The following STUM variants were observed in gnomAD, a reference collection of about 807,000 sequenced individuals.
STUM encodes protein stum homolog.
STUM carries 8 observed loss-of-function variants against 15.3 expected under a neutral mutation model. The ratio of observed to expected loss-of-function variants is 0.52; its 90% CI spans 0.31 to 0.94. The LOEUF (loss-of-function observed/expected upper bound fraction) is 0.94, where lower values mean the gene tolerates loss of function less well. STUM is among the 40% of genes least tolerant of loss of function. The pLI is 0.05. For synonymous variants in STUM, 78 were observed against 88.7 expected, an observed-to-expected ratio of 0.88 and a Z score of 0.68; for missense variants, 142 against 204.9, an observed-to-expected ratio of 0.69 and a Z score of 1.87.
intron 1 of STUM, among the ~76,000 whole-genome samples, chr1:226,590,866 C>T (rs1427978305): frequency 2.0e-5 from 3 of 152,242 alleles, no homozygotes; most frequent in Non-Finnish European, 2.9e-5. Flanking sequence ...ATCGCCTGCT[C>T]TCCTGTGAAG....
At chr1:226,566,400 G>A (rs756740320) in intron 1 of STUM, among the ~76,000 whole-genome samples, 12 of 152,116 alleles carry the variant, frequency 7.9e-5, no homozygotes, top group Admixed American at 1.3e-4. Context: ...TGAGAAGCAG[G>A]TTTTATAATA....
intron 1 of STUM, among the ~76,000 whole-genome samples, chr1:226,594,799 C>T (rs1032124191): frequency 2.6e-5 from 4 of 152,120 alleles, no homozygotes; most frequent in Non-Finnish European, 4.4e-5. Flanking sequence ...GGATTACAGG[C>T]GCCCGCCACC....
At chr1:226,597,023 G>T (rs1204528497) in intron 2 of STUM, 42 bp downstream of exon 2, 1 of 1,590,672 alleles carries the variant, frequency 6.3e-7, no homozygotes. Flanking sequence ...GGTGGGGAGT[G>T]GCCAGGGACA....
At chr1:226,560,172 G>A (rs1667517933) in intron 1 of STUM, among the ~76,000 whole-genome samples, 1 of 152,166 alleles carries the variant, frequency 6.6e-6, no homozygotes, top group Admixed American at 6.5e-5. Flanking sequence ...AACACACAAA[G>A]TATATGATTC....
At chr1:226,562,109 T>C (rs1047978478) in intron 1 of STUM, among the ~76,000 whole-genome samples, 4 of 152,104 alleles carry the variant, frequency 2.6e-5, no homozygotes, top group Non-Finnish European at 5.9e-5. Context: ...GTGGTGATGG[T>C]TCCACAAAGC....
intron 3 of STUM, among the ~76,000 whole-genome samples, chr1:226,601,403 AAAAC>A (rs1353548238): frequency 6.6e-6 from 1 of 152,194 alleles, no homozygotes; most frequent in African/African-American, 2.4e-5. Flanking sequence ...TCTTCTTAAG[AAAAC>A]AAACACAATA....
intron 1 of STUM, among the ~76,000 whole-genome samples, chr1:226,560,010 G>A (rs1667515202): frequency 6.6e-6 from 1 of 151,976 alleles, no homozygotes; most frequent in Admixed American, 6.5e-5. Flanking sequence ...ATGATGGCGG[G>A]CGCCTGTAAT....
intron 1 of STUM, among the ~76,000 whole-genome samples, chr1:226,574,791 C>T (rs1667779275): frequency 6.6e-6 from 1 of 152,116 alleles, no homozygotes; most frequent in South Asian, 2.1e-4. Context: ...GTTGCCAACT[C>T]TCAGAGTGGA....
chr1:226,595,742 TA>T (rs969013192), intron 1 of STUM, among the ~76,000 whole-genome samples: 2 of 152,166 alleles, frequency 1.3e-5, no homozygotes, highest in African/African-American at 4.8e-5. Context: ...GAGAAGGTGC[TA>T]CGCTGCTGGC....
chr1:226,564,232 C>G (rs1462859529), intron 1 of STUM, among the ~76,000 whole-genome samples: 1 of 152,180 alleles, frequency 6.6e-6, no homozygotes, highest in Non-Finnish European at 1.5e-5. Flanking sequence ...CCAGGATGTT[C>G]TAGATCTCTC....
intron 1 of STUM, among the ~76,000 whole-genome samples, chr1:226,562,553 C>T (rs1405556080): frequency 6.6e-6 from 1 of 151,962 alleles, no homozygotes; most frequent in Non-Finnish European, 1.5e-5. Context: ...GGACCGACAT[C>T]ATGTACCTCC....
At chr1:226,562,484 A>G (rs1203802754) in intron 1 of STUM, among the ~76,000 whole-genome samples, 1 of 152,098 alleles carries the variant, frequency 6.6e-6, no homozygotes, top group Non-Finnish European at 1.5e-5. Context: ...GAAAAAAAAA[A>G]AAAAAGAAAA....
chr1:226,565,554 G>C lies in STUM; in HGVS notation c.202+16448G>C, dbSNP rs962901552. On this transcript the variant is annotated intron_variant, in intron 1 of 3. Transcript: ENST00000366788. This position sits in a 1 kb window ranked among gnomAD's most constrained non-coding sequence, Gnocchi z 4.4. Reference sequence around the variant, plus strand: ...GAAGCTCTGAAACAGCCAGTACATGGAGCCAGGGCTTCCTGCCGTCTGAAA... The same window carrying C: ...GAAGCTCTGAAACAGCCAGTACATGCAGCCAGGGCTTCCTGCCGTCTGAAA... 2.0e-5 allele frequency among the ~76,000 whole-genome samples: 3 copies of C among 152,200 alleles called. No homozygotes were observed. Among genetic ancestry groups the C allele is most frequent in the Non-Finnish European group, 4.4e-5 (3 of 68,022 alleles).
chr1:226,555,354 A>G (rs950904190), intron 1 of STUM, among the ~76,000 whole-genome samples: 1 of 152,146 alleles, frequency 6.6e-6, no homozygotes, highest in Non-Finnish European at 1.5e-5. Context: ...CAGTGTCTCC[A>G]CTTGGAAACC....
chr1:226,565,453 C>T lies in STUM; in HGVS notation c.202+16347C>T, dbSNP rs927464057. On this transcript the variant is annotated intron_variant, in intron 1 of 3. Coordinates refer to ENST00000366788, the MANE Select transcript of STUM (RefSeq NM_001003665.4). This position sits in a 1 kb window ranked among gnomAD's most constrained non-coding sequence, Gnocchi z 4.4. Reference sequence around the variant, plus strand: ...CAGCCTTGGCATACTACTGCTCCCCCACCGTCACTTCTCATCCCACCCACC... The same window carrying T: ...CAGCCTTGGCATACTACTGCTCCCCTACCGTCACTTCTCATCCCACCCACC... 6.6e-6 allele frequency among the ~76,000 whole-genome samples: 1 copy of T among 152,240 alleles called. No homozygotes were observed. Among genetic ancestry groups the T allele is most frequent in the Admixed American group, 6.5e-5 (1 of 15,290 alleles).
intron 1 of STUM, among the ~76,000 whole-genome samples, chr1:226,577,499 T>TCACA (rs60225649): frequency 0.057 from 8,653 of 150,912 alleles, 243 homozygotes; most frequent in South Asian, 0.14. Context: ...AAACAGTTTC[T>TCACA]CACACACACA....
intron 1 of STUM, among the ~76,000 whole-genome samples, chr1:226,557,995 TA>T (rs1487654060): frequency 1.3e-5 from 2 of 152,108 alleles, no homozygotes; most frequent in Admixed American, 6.5e-5. Context: ...CTTAACACAA[TA>T]AAGGCCATAT....
At chr1:226,586,855 G>A (rs774271592) in intron 1 of STUM, among the ~76,000 whole-genome samples, 10 of 152,142 alleles carry the variant, frequency 6.6e-5, no homozygotes, top group Non-Finnish European at 1.2e-4. Context: ...TAGGAAGGAC[G>A]AGGCTAAGCC....
chr1:226,601,062 T>C (rs1041689598), intron 3 of STUM, among the ~76,000 whole-genome samples: 2 of 152,178 alleles, frequency 1.3e-5, no homozygotes, highest in African/African-American at 4.8e-5. Flanking sequence ...CTAATAGGAA[T>C]AACCGCTCGG....
Sources: gnomAD v4.1 joint callset for allele counts (sites outside exome capture counted in the v4.1 genomes callset) on GRCh38, gnomAD v4.1.1 for gene constraint, Gnocchi (gnomAD v3.1) non-coding constraint, MANE v1.5 for transcripts, NCBI Gene and HGNC (gene_info 2026-07-23, HGNC 2026-07-21) for gene names.